HSPB8: variants seen among roughly 807,000 people sequenced by gnomAD.
HSPB8 encodes the protein heat shock protein beta-8.
In HSPB8, 9 loss-of-function variants were observed where a neutral mutation model predicts 16.5. That is an observed-to-expected ratio of 0.55 (90% CI 0.33 to 0.95). The LOEUF (loss-of-function observed/expected upper bound fraction) is 0.95. Ranked by LOEUF, HSPB8 falls within the 40% of genes least tolerant of loss-of-function variation. The pLI, the probability that HSPB8 is intolerant of heterozygous loss-of-function variation, is 0.03. For missense variants in HSPB8, 238 were observed against 251.2 expected (o/e 0.95, Z 0.35); for synonymous variants, 99 against 94.8 (o/e 1.04, Z -0.26).
At chr12:119,189,246 G>A (rs1003470624) in intron 2 of HSPB8, among the ~76,000 whole-genome samples, 9 of 151,744 alleles carry the variant, frequency 5.9e-5, no homozygotes, top group Non-Finnish European at 1.2e-4. Context: ...TCACAAGCAG[G>A]GCATAGCTGT....
At position 119,193,903 on chromosome 12, in the gene HSPB8, C is replaced by T. The variant is rs1034510985; in HGVS notation, c.*45C>T. On this transcript the variant is annotated 3_prime_UTR_variant, in exon 3 of 3. Coordinates refer to ENST00000281938, the MANE Select transcript of HSPB8 (RefSeq NM_014365.3). ...CCTTGTTTTGTCCCCAACCCTAGGG[C>T]TTCTCTGATTCCAGGATACATTACT... 4.4e-6 allele frequency: 7 copies of T among 1,593,314 alleles called. No individual in the cohort carries two copies. Among genetic ancestry groups the T allele is most frequent in the Non-Finnish European group, 5.2e-6 (6 of 1,161,662 alleles).
chr12:119,193,955 T>A lies in HSPB8; in HGVS notation c.*97T>A. ...TAGCTGAACTCAGATTTAGTGCAAGTAAAATGTTAGAGGGTGCGGGGGTGA... is the reference window on the plus strand; with the variant it reads ...TAGCTGAACTCAGATTTAGTGCAAGAAAAATGTTAGAGGGTGCGGGGGTGA... On this transcript the variant is annotated 3_prime_UTR_variant, in exon 3 of 3. Coordinates refer to ENST00000281938, the MANE Select transcript of HSPB8 (RefSeq NM_014365.3). The A allele has an allele frequency of 7.2e-7, 1 of 1,386,412 alleles. No homozygotes were observed. The highest frequency in any genetic ancestry group is 1.0e-6 in the Non-Finnish European group (1 of 975,818). The allele number at this position is 1,386,412 out of a possible 1,614,324, so 85.9% of individuals were successfully genotyped here.
rs949273182 is a variant in HSPB8 at position 119,194,739 on chromosome 12, C to T, written c.*881C>T. 15 of 418,866 alleles carry T rather than the reference C, an allele frequency of 3.6e-5. No homozygotes were observed. Among genetic ancestry groups the T allele is most frequent in the Middle Eastern group, 6.2e-4 (1 of 1,624 alleles). 25.9% of individuals were successfully genotyped at this position (418,866 alleles called of 1,614,324 possible). A position where few individuals can be genotyped will look rare whatever the true frequency, so the allele number is the denominator to read the frequency against. On this transcript the variant is annotated 3_prime_UTR_variant, in exon 3 of 3. Coordinates refer to ENST00000281938, the MANE Select transcript of HSPB8 (RefSeq NM_014365.3). ...ATAATAATAATAATAAAGGAGCTGA[C>T]GTTCTTAGCCTTGTGTGGTTCTTTT...
chr12:119,186,288 T>C (rs1434796687), intron 1 of HSPB8, among the ~76,000 whole-genome samples: 2 of 152,212 alleles, frequency 1.3e-5, no homozygotes, highest in African/African-American at 2.4e-5. Context: ...TGGGTGTTTT[T>C]GGCAGATTGA....
intron 2 of HSPB8, among the ~76,000 whole-genome samples, chr12:119,192,152 A>G (rs998774797): frequency 1.3e-5 from 2 of 152,228 alleles, no homozygotes; most frequent in African/African-American, 2.4e-5. Flanking sequence ...CACCCAAAGC[A>G]ATCCAAAAAT....
In HSPB8 at chr12:119,193,866, G is replaced by C. The variant is rs761530618; in HGVS notation, c.*8G>C. The C allele has an allele frequency of 6.2e-7, 1 of 1,613,918 alleles. No individual in the cohort carries two copies. Among genetic ancestry groups the C allele is most frequent in the Non-Finnish European group, 8.5e-7 (1 of 1,179,926 alleles). ...GAAGTCACCTGTACCTGAGATGCCA[G>C]TACTGGCCCATCCTTGTTTTGTCCC... On this transcript the variant is annotated 3_prime_UTR_variant, in exon 3 of 3. Coordinates refer to ENST00000281938, the MANE Select transcript of HSPB8 (RefSeq NM_014365.3).
At chr12:119,190,301 C>A (rs981098580) in intron 2 of HSPB8, among the ~76,000 whole-genome samples, 31 of 152,164 alleles carry the variant, frequency 2.0e-4, no homozygotes, top group Admixed American at 6.5e-5. Context: ...CAGGAGTCCT[C>A]GTTGCCTCCT....
At chr12:119,188,921 C>G (rs756996352) in intron 2 of HSPB8, among the ~76,000 whole-genome samples, 2 of 152,202 alleles carry the variant, frequency 1.3e-5, no homozygotes, top group Non-Finnish European at 2.9e-5. Flanking sequence ...CAAAGAAATT[C>G]TGTGTGTGGA....
At chr12:119,179,718 G>A (rs781154098) in intron 1 of HSPB8, 39 bp downstream of exon 1, 35 of 1,542,518 alleles carry the variant, frequency 2.3e-5, no homozygotes, top group African/African-American at 4.1e-5. Context: ...TGGGGAGGCC[G>A]GGATGTAGCC....
chr12:119,183,793 A>C (rs1954654580), intron 1 of HSPB8, among the ~76,000 whole-genome samples: 1 of 152,072 alleles, frequency 6.6e-6, no homozygotes, highest in Non-Finnish European at 1.5e-5. Context: ...CTCTTTTGGA[A>C]ATCTTGGAGC....
intron 1 of HSPB8, among the ~76,000 whole-genome samples, chr12:119,185,033 C>T (rs1171813810): frequency 6.6e-6 from 1 of 152,068 alleles, no homozygotes; most frequent in Non-Finnish European, 1.5e-5. Context: ...GTAACATTTA[C>T]ACATTTCTGA....
At position 119,179,161 on chromosome 12, in the gene HSPB8, G is replaced by A; in HGVS notation, c.-152G>A. The A allele has an allele frequency of 1.3e-6, 1 of 779,120 alleles. No homozygotes were observed. Among genetic ancestry groups the A allele is most frequent in the Non-Finnish European group, 2.2e-6 (1 of 458,284 alleles). 48.3% of individuals were successfully genotyped at this position (779,120 alleles called of 1,614,324 possible). On this transcript the variant is annotated 5_prime_UTR_variant, in exon 1 of 3. Transcript: ENST00000281938. ...CAGTCGAGGGGACACAACCGTCCCT[G>A]GCAGTGGTTGGTTCTGCTTCTCCCT...
chr12:119,190,229 T>C (rs55845457), intron 2 of HSPB8, among the ~76,000 whole-genome samples: 5,970 of 152,264 alleles, frequency 0.039, 447 homozygotes, highest in African/African-American at 0.14. Context: ...AGCTCCTGGC[T>C]CTGCCCAGAC....
intron 2 of HSPB8, among the ~76,000 whole-genome samples, chr12:119,192,370 T>C (rs765898130): frequency 6.6e-6 from 1 of 152,142 alleles, no homozygotes; most frequent in Non-Finnish European, 1.5e-5. Flanking sequence ...AAGAACAAGA[T>C]AATTGGCTGG....
Position 119,179,211 on chromosome 12 carries a change from C to G in HSPB8, c.-102C>G. ...TGCAGAAAAGCAGCATTTTCGGAAG[C>G]TGAAGAATAAGCTAGCCCAGCCACA... On this transcript the variant is annotated 5_prime_UTR_variant, in exon 1 of 3. Transcript: ENST00000281938. 1 of 1,254,270 alleles carries G rather than the reference C, an allele frequency of 8.0e-7. No individual in the cohort carries two copies. The highest frequency in any genetic ancestry group is 1.2e-6 in the Non-Finnish European group (1 of 868,230). 77.7% of individuals were successfully genotyped at this position (1,254,270 alleles called of 1,614,324 possible).
intron 2 of HSPB8, among the ~76,000 whole-genome samples, chr12:119,191,154 A>G (rs1189139432): frequency 1.3e-5 from 2 of 152,152 alleles, no homozygotes; most frequent in African/African-American, 2.4e-5. Context: ...CTGCAACGTA[A>G]TTCTCACTCC....
intron 2 of HSPB8, among the ~76,000 whole-genome samples, chr12:119,189,710 C>T (rs563384331): frequency 2.8e-4 from 42 of 152,280 alleles, no homozygotes; most frequent in Middle Eastern, 3.4e-3. Flanking sequence ...TGCTCACCTC[C>T]TGATGTGAAG....
At chr12:119,181,370 G>A (rs1443641140) in intron 1 of HSPB8, among the ~76,000 whole-genome samples, 1 of 152,162 alleles carries the variant, frequency 6.6e-6, no homozygotes, top group Non-Finnish European at 1.5e-5. Flanking sequence ...GCAGGGAGGG[G>A]TTTTCCAGGT....
At position 119,179,172 on chromosome 12, in the gene HSPB8, G is replaced by A. The variant is rs1252928796; in HGVS notation, c.-141G>A. On this transcript the variant is annotated 5_prime_UTR_variant, in exon 1 of 3. Coordinates refer to ENST00000281938, the MANE Select transcript of HSPB8 (RefSeq NM_014365.3). ...ACACAACCGTCCCTGGCAGTGGTTG[G>A]TTCTGCTTCTCCCTGCAGAAAAGCA... The A allele has an allele frequency of 3.5e-6, 3 of 865,424 alleles. No homozygotes were observed. The highest frequency in any genetic ancestry group is 5.6e-6 in the Non-Finnish European group (3 of 534,108). The allele number at this position is 865,424 out of a possible 1,614,324, so 53.6% of individuals were successfully genotyped here. A position where few individuals can be genotyped will look rare whatever the true frequency, so the allele number is the denominator to read the frequency against.
Sources: gnomAD v4.1 joint callset for allele counts (sites outside exome capture counted in the v4.1 genomes callset) on GRCh38, gnomAD v4.1.1 for gene constraint, MANE v1.5 for transcripts, NCBI Gene and HGNC (gene_info 2026-07-23, HGNC 2026-07-21) for gene names.